Variants in PTGER3 observed in about 807,000 individuals in gnomAD.
PTGER3 encodes the protein prostaglandin E2 receptor EP3 subtype.
PTGER3 carries 22 observed loss-of-function variants against 34.7 expected under a neutral mutation model. The ratio of observed to expected loss-of-function variants is 0.63; its 90% CI spans 0.45 to 0.91. PTGER3 has a LOEUF of 0.91. PTGER3 is among the 40% of genes least tolerant of loss of function. PTGER3 has a pLI of 0.00. For missense variants in PTGER3, 468 were observed against 519.4 expected (o/e 0.90, Z 0.96); for synonymous variants, 241 against 230.1 (o/e 1.05, Z -0.43).
intron 4 of PTGER3, among the ~76,000 whole-genome samples, chr1:70,887,104 C>A (rs1346390272): frequency 6.6e-6 from 1 of 152,160 alleles, no homozygotes; most frequent in African/African-American, 2.4e-5. Context: ...AAAAAGCTTA[C>A]TGAGTGGGGT....
chr1:70,976,748 C>T (rs1368904200), intron 2 of PTGER3, among the ~76,000 whole-genome samples: 2 of 152,144 alleles, frequency 1.3e-5, no homozygotes, highest in Non-Finnish European at 2.9e-5. Context: ...TGCTTAAACC[C>T]TTTAATACAC....
At chr1:70,886,213 T>C in intron 4 of PTGER3, 1 of 395,182 alleles carries the variant, frequency 2.5e-6, no homozygotes, top group Non-Finnish European at 5.2e-6. Flanking sequence ...CCTTCTCTGT[T>C]TTCTCCACCA....
intron 4 of PTGER3, among the ~76,000 whole-genome samples, chr1:70,902,164 A>G (rs867444559): frequency 6.6e-6 from 1 of 152,304 alleles, no homozygotes. Context: ...TACTGCCACC[A>G]CAATAATAAT....
intron 4 of PTGER3, among the ~76,000 whole-genome samples, chr1:70,946,078 T>C (rs141320841): frequency 6.6e-6 from 1 of 152,064 alleles, no homozygotes; most frequent in Non-Finnish European, 1.5e-5. Flanking sequence ...ATAAGAGGAC[T>C]CTTGGGATTG....
At chr1:70,998,052 T>C (rs912061070) in intron 2 of PTGER3, among the ~76,000 whole-genome samples, 5 of 152,246 alleles carry the variant, frequency 3.3e-5, no homozygotes, top group African/African-American at 1.2e-4. Flanking sequence ...TAAGTCAGAC[T>C]CTTTCTCTCT....
intron 1 of PTGER3, among the ~76,000 whole-genome samples, chr1:71,044,679 C>T (rs181312225): frequency 6.6e-5 from 10 of 152,164 alleles, no homozygotes; most frequent in Admixed American, 5.9e-4. Context: ...TCTGAGGCCA[C>T]CATACTTTTG....
chr1:70,917,652 G>A (rs1392670180), intron 4 of PTGER3, among the ~76,000 whole-genome samples: 1 of 151,820 alleles, frequency 6.6e-6, no homozygotes, highest in Non-Finnish European at 1.5e-5. Context: ...CATAATGGCT[G>A]TACTAATTTA....
chr1:70,930,235 C>A (rs891193826), intron 4 of PTGER3, among the ~76,000 whole-genome samples: 1 of 152,202 alleles, frequency 6.6e-6, no homozygotes, highest in Non-Finnish European at 1.5e-5. Flanking sequence ...ATGGGTAAAG[C>A]AGACTCCGTC....
chr1:70,938,904 C>T lies in PTGER3; in HGVS notation c.*23+14859G>A, dbSNP rs149402341. Reference sequence around the variant, plus strand: ...ATTCCACGCCGGCCCCTCCAAATCTCATGTCCTCACGTTTCAAAACCAGTC... The same window carrying T: ...ATTCCACGCCGGCCCCTCCAAATCTTATGTCCTCACGTTTCAAAACCAGTC... On this transcript the variant is annotated intron_variant, in intron 4 of 4. Coordinates refer to the PTGER3 transcript ENST00000370931. 2.7e-3 allele frequency among the ~76,000 whole-genome samples: 404 copies of T among 152,240 alleles called. 3 individuals carry two copies. The highest frequency in any genetic ancestry group is 4.7e-3 in the Non-Finnish European group (323 of 68,008).
intron 4 of PTGER3, among the ~76,000 whole-genome samples, chr1:70,897,596 C>T (rs933253663): frequency 6.6e-6 from 1 of 152,142 alleles, no homozygotes; most frequent in African/African-American, 2.4e-5. Context: ...ACCAAACTGG[C>T]ATATATCATA....
At chr1:70,901,936 G>A (rs1646848826) in intron 4 of PTGER3, among the ~76,000 whole-genome samples, 1 of 152,148 alleles carries the variant, frequency 6.6e-6, no homozygotes, top group African/African-American at 2.4e-5. Context: ...TCAGGGCAGA[G>A]ATTTGAGGAG....
intron 4 of PTGER3, among the ~76,000 whole-genome samples, chr1:70,935,296 C>A (rs988764907): frequency 6.6e-6 from 1 of 152,164 alleles, no homozygotes; most frequent in Non-Finnish European, 1.5e-5. Context: ...TATTCTTTAA[C>A]CTCCTCTAAT....
At chr1:70,923,893 T>A (rs1452254828) in intron 4 of PTGER3, among the ~76,000 whole-genome samples, 2 of 152,190 alleles carry the variant, frequency 1.3e-5, no homozygotes, top group Admixed American at 1.3e-4. Flanking sequence ...CGGGACACAA[T>A]TGGAGAAACT....
chr1:70,981,375 CT>C (rs1343155795), intron 2 of PTGER3, among the ~76,000 whole-genome samples: 5 of 99,144 alleles, frequency 5.0e-5, no homozygotes, highest in East Asian at 2.9e-4. Context: ...TTCTTTCTTT[CT>C]TTCTTTCTTT....
intron 4 of PTGER3, among the ~76,000 whole-genome samples, chr1:70,872,689 A>T (rs1048381887): frequency 3.9e-5 from 6 of 152,220 alleles, no homozygotes; most frequent in African/African-American, 1.4e-4. Context: ...TATATGAAAT[A>T]GCTCATTTTT....
chr1:70,970,998 T>G lies in PTGER3; in HGVS notation c.*732A>C. 2 of 985,374 alleles carry G rather than the reference T, an allele frequency of 2.0e-6. No homozygotes were observed. The highest frequency in any genetic ancestry group is 1.2e-6 in the Non-Finnish European group (1 of 829,912). 61.0% of individuals were successfully genotyped at this position (985,374 alleles called of 1,614,324 possible). ...TTTATCACTCTAACTGCGCAGCTAA[T>G]CATTCAACCTCAAATTTGTTTTTTA... On this transcript the variant is annotated 3_prime_UTR_variant, in exon 4 of 4. Transcript: ENST00000306666.
At chr1:71,001,777 CCTGT>C (rs1656517117) in intron 2 of PTGER3, among the ~76,000 whole-genome samples, 1 of 152,196 alleles carries the variant, frequency 6.6e-6, no homozygotes, top group Non-Finnish European at 1.5e-5. Context: ...GTTCACACAT[CCTGT>C]CTGTGACAAG....
chr1:70,899,452 A>G (rs1646790187), intron 4 of PTGER3, among the ~76,000 whole-genome samples: 1 of 152,182 alleles, frequency 6.6e-6, no homozygotes, highest in Admixed American at 6.5e-5. Flanking sequence ...GGAGAAGAGT[A>G]TCCCAGGCTA....
At chr1:70,925,079 AC>A (rs563481224) in intron 4 of PTGER3, among the ~76,000 whole-genome samples, 320 of 152,292 alleles carry the variant, frequency 2.1e-3, no homozygotes, top group Non-Finnish European at 2.6e-3. Context: ...ATTTCCACTC[AC>A]TGCAACCTCC....
Sources: gnomAD v4.1 joint callset for allele counts (sites outside exome capture counted in the v4.1 genomes callset) on GRCh38, gnomAD v4.1.1 for gene constraint, MANE v1.5 for transcripts, NCBI Gene and HGNC (gene_info 2026-07-23, HGNC 2026-07-21) for gene names.